Variants in ADAMTS6 observed in about 807,000 individuals in gnomAD.
ADAMTS6 encodes the protein A disintegrin and metalloproteinase with thrombospondin motifs 6.
In ADAMTS6, 23 loss-of-function variants were observed where a neutral mutation model predicts 144.3. The ratio of observed to expected loss-of-function variants is 0.16; its 90% CI spans 0.11 to 0.23. The LOEUF (loss-of-function observed/expected upper bound fraction) is 0.23. ADAMTS6 is among the 10% of genes least tolerant of loss of function. The pLI is 1.00. For missense variants in ADAMTS6, 999 were observed against 1,379.6 expected, an observed-to-expected ratio of 0.72 and a Z score of 4.37; for synonymous variants, 444 against 457.5, an observed-to-expected ratio of 0.97 and a Z score of 0.38.
At chr5:65,372,977 G>A (rs565641063) in intron 7 of ADAMTS6, among the ~76,000 whole-genome samples, 19 of 152,148 alleles carry the variant, frequency 1.2e-4, no homozygotes, top group Non-Finnish European at 2.6e-4. Flanking sequence ...TCAACTACAT[G>A]GAAACTGAAC....
chr5:65,404,592 G>A (rs1379162556), intron 7 of ADAMTS6, among the ~76,000 whole-genome samples: 7 of 152,164 alleles, frequency 4.6e-5, no homozygotes, highest in Admixed American at 4.6e-4. Flanking sequence ...TGTGAATAAT[G>A]CCACAATAAA....
At chr5:65,349,126 C>G (rs931208121) in intron 7 of ADAMTS6, among the ~76,000 whole-genome samples, 3 of 151,916 alleles carry the variant, frequency 2.0e-5, no homozygotes, top group African/African-American at 4.8e-5. Flanking sequence ...CTATTTAAGT[C>G]AAGGAAGAAA....
At chr5:65,188,288 T>A in intron 21 of ADAMTS6, 68 bp from the exon 22 acceptor site, 1 of 1,499,190 alleles carries the variant, frequency 6.7e-7, no homozygotes, top group Non-Finnish European at 9.2e-7. Flanking sequence ...TTTAGCTAAG[T>A]GAAGGCACTT....
intron 7 of ADAMTS6, among the ~76,000 whole-genome samples, chr5:65,441,189 T>A (rs1270056757): frequency 6.6e-6 from 1 of 152,150 alleles, no homozygotes; most frequent in Non-Finnish European, 1.5e-5. Flanking sequence ...AAAATTATAC[T>A]ACATAAGATG....
At chr5:65,155,201 T>C (rs1752341154) in intron 24 of ADAMTS6, among the ~76,000 whole-genome samples, 1 of 152,200 alleles carries the variant, frequency 6.6e-6, no homozygotes, top group African/African-American at 2.4e-5. Flanking sequence ...TTATCAAGCA[T>C]ATCATTTGTG....
At chr5:65,277,557 T>G (rs1762639126) in intron 11 of ADAMTS6, among the ~76,000 whole-genome samples, 1 of 150,968 alleles carries the variant, frequency 6.6e-6, no homozygotes, top group East Asian at 1.9e-4. Flanking sequence ...ATACCAAGAC[T>G]GGACAGTTTT....
intron 7 of ADAMTS6, among the ~76,000 whole-genome samples, chr5:65,407,780 T>C (rs540381911): frequency 1.3e-5 from 2 of 152,254 alleles, no homozygotes; most frequent in African/African-American, 4.8e-5. Context: ...ATCATGCTGC[T>C]ATAAAGACAC....
At position 65,470,874 on chromosome 5, in the gene ADAMTS6, C is replaced by T. The variant is rs769741503; in HGVS notation, c.366G>A (p.Gln122=). The change falls in exon 3 of 25, where the codon CAG becomes CAA. Residue 122 remains glutamine, a synonymous_variant. Coordinates refer to ENST00000381055, the MANE Select transcript of ADAMTS6 (RefSeq NM_197941.4). ...AGTTGTCTAAAAAATCATGTTTCCA[C>T]TGGGGTCCATCTTTCCCCCAATATT... ...TVEYWGKDGP[Q]WKHDFLDNCH... 6.2e-7 allele frequency: 1 copy of T among 1,610,470 alleles called. No individual in the cohort carries two copies. The highest frequency in any genetic ancestry group is 8.5e-7 in the Non-Finnish European group (1 of 1,179,054).
At chr5:65,176,129 G>C (rs954492653) in intron 22 of ADAMTS6, among the ~76,000 whole-genome samples, 4 of 151,932 alleles carry the variant, frequency 2.6e-5, no homozygotes, top group Non-Finnish European at 4.4e-5. Context: ...GAAAAAAAGG[G>C]GGGGGCAGAA....
intron 14 of ADAMTS6, among the ~76,000 whole-genome samples, chr5:65,247,423 A>G (rs1284766522): frequency 6.6e-6 from 1 of 152,194 alleles, no homozygotes; most frequent in African/African-American, 2.4e-5. Context: ...CAAACTTTTT[A>G]GTGGCATTTC....
intron 21 of ADAMTS6, among the ~76,000 whole-genome samples, chr5:65,196,518 G>C (rs541058052): frequency 4.4e-5 from 1 of 22,806 alleles, no homozygotes; most frequent in African/African-American, 1.9e-4. Context: ...GCGAGACTCC[G>C]TCTCAAAAAA....
chr5:65,213,055 A>G (rs1025467058), intron 20 of ADAMTS6, among the ~76,000 whole-genome samples: 17 of 152,208 alleles, frequency 1.1e-4, no homozygotes, highest in African/African-American at 4.1e-4. Context: ...ATGCAATGGC[A>G]TATACTTGAT....
chr5:65,390,918 G>A (rs1229900537), intron 7 of ADAMTS6, among the ~76,000 whole-genome samples: 1 of 150,396 alleles, frequency 6.6e-6, no homozygotes, highest in African/African-American at 2.4e-5. Flanking sequence ...TTATGAAACT[G>A]TGCCTTGGGA....
chr5:65,432,889 C>G, intron 7 of ADAMTS6, among the ~76,000 whole-genome samples: 1 of 152,006 alleles, frequency 6.6e-6, no homozygotes, highest in East Asian at 1.9e-4. Flanking sequence ...ATAACAGCAC[C>G]ATGACATATT....
intron 7 of ADAMTS6, among the ~76,000 whole-genome samples, chr5:65,384,641 A>G (rs765169711): frequency 6.6e-6 from 1 of 152,182 alleles, no homozygotes; most frequent in African/African-American, 2.4e-5. Flanking sequence ...GGCTTTTTCT[A>G]CAGCTCTCCT....
chr5:65,182,184 G>C (rs112771042), intron 22 of ADAMTS6, among the ~76,000 whole-genome samples: 12 of 151,990 alleles, frequency 7.9e-5, no homozygotes, highest in Non-Finnish European at 1.2e-4. Flanking sequence ...GGTGGCTCAC[G>C]CCTGTGAATC....
chr5:65,458,281 A>C (rs903532169), intron 4 of ADAMTS6, among the ~76,000 whole-genome samples: 5 of 152,234 alleles, frequency 3.3e-5, no homozygotes. Context: ...ACTCAAGAAG[A>C]AAGTGTGCAG....
intron 3 of ADAMTS6, among the ~76,000 whole-genome samples, chr5:65,462,667 A>ACAAAATATGCTTTCT: frequency 6.6e-6 from 1 of 152,182 alleles, no homozygotes; most frequent in Non-Finnish European, 1.5e-5. Context: ...TTATTTTTTC[A>ACAAAATATGCTTTCT]CAAAATATGC....
In ADAMTS6 at chr5:65,290,464, T is replaced by C. The variant is rs369566864; in HGVS notation, c.1512+865A>G. Among the ~76,000 whole-genome samples the C allele has an allele frequency of 1.6e-4, 24 of 152,190 alleles. No homozygotes were observed. The East Asian group carries it at 3.9e-3, about 25-fold the overall frequency. On this transcript the variant is annotated intron_variant, in intron 11 of 24. Transcript: ENST00000381055. The stretch of plus-strand genomic sequence containing the variant: ...TACTCAGGAGACTGAGGCAGGAGAA[T>C]TGCTTGAACCCAGGAGACAGAGGTT...
Sources: gnomAD v4.1 joint callset for allele counts (sites outside exome capture counted in the v4.1 genomes callset) on GRCh38, gnomAD v4.1.1 for gene constraint, MANE v1.5 for transcripts, NCBI Gene and HGNC (gene_info 2026-07-23, HGNC 2026-07-21) for gene names.